The following MPP4 variants were observed in gnomAD, a reference collection of about 807,000 sequenced individuals.
MPP4 encodes MAGUK p55 subfamily member 4.
MPP4 carries 91 observed loss-of-function variants against 98.3 expected under a neutral mutation model. The observed-to-expected ratio is 0.93, with a 90% CI of 0.78 to 1.10. The LOEUF (loss-of-function observed/expected upper bound fraction) is 1.10. Among genes scored for constraint, MPP4 ranks in the 50% least tolerant of loss-of-function variants. The pLI is 0.00. For missense variants in MPP4, 744 were observed against 792.9 expected, an observed-to-expected ratio of 0.94 and a Z score of 0.74; for synonymous variants, 261 against 271.8, an observed-to-expected ratio of 0.96 and a Z score of 0.39.
At chr2:201,663,566 A>C (rs929587556) in intron 14 of MPP4, among the ~76,000 whole-genome samples, 1 of 152,196 alleles carries the variant, frequency 6.6e-6, no homozygotes, top group Non-Finnish European at 1.5e-5. Context: ...AAATTGAAAA[A>C]TTAGCCACGC....
intron 16 of MPP4, among the ~76,000 whole-genome samples, chr2:201,657,730 A>T (rs1687897285): frequency 6.6e-6 from 1 of 151,756 alleles, no homozygotes; most frequent in Non-Finnish European, 1.5e-5. Flanking sequence ...CATCTTTGTA[A>T]AGCCTGTTGG....
Position 201,669,111 on chromosome 2 carries a change from TGTGTGTGTGTGA to T in MPP4, c.1012+610_1012+621del, listed in dbSNP as rs1408462498. Among the ~76,000 whole-genome samples the T allele has an allele frequency of 5.5e-3, 501 of 90,776 alleles. 9 individuals are homozygous for T. Among genetic ancestry groups the T allele is most frequent in the Admixed American group, 0.049 (421 of 8,636 alleles). The allele number at this position is 90,776 out of a possible 152,430, so 59.6% of individuals were successfully genotyped here. A position where few individuals can be genotyped will look rare whatever the true frequency, so the allele number is the denominator to read the frequency against. On this transcript the variant is annotated intron_variant, in intron 12 of 21. Transcript: ENST00000409474. ...CTTTGTGTGTGTGTGTGTGTGTGTGTGTGTGTGTGTGAGAGAGAGAGAGAGAGAGCACCATCA... is the reference window on the plus strand; with the variant it reads ...CTTTGTGTGTGTGTGTGTGTGTGTGTGAGAGAGAGAGAGAGAGCACCATCA...
At chr2:201,681,087 G>T in intron 9 of MPP4, 53 bp from the exon 10 acceptor site, 1 of 1,559,752 alleles carries the variant, frequency 6.4e-7, no homozygotes, top group Non-Finnish European at 8.8e-7. Context: ...GGTGCCATCC[G>T]AAGAACCCTT....
intron 7 of MPP4, among the ~76,000 whole-genome samples, chr2:201,684,757 T>C (rs898146293): frequency 2.6e-5 from 4 of 151,940 alleles, no homozygotes; most frequent in East Asian, 3.9e-4. Flanking sequence ...GAGACCATCC[T>C]GGCTAACACG....
intron 10 of MPP4, among the ~76,000 whole-genome samples, chr2:201,676,145 C>T (rs1352388181): frequency 6.6e-6 from 1 of 152,236 alleles, no homozygotes; most frequent in Non-Finnish European, 1.5e-5. Context: ...CCTCCCAGAG[C>T]TCCTGCCTCC....
chr2:201,670,623 A>G (rs1490640008), intron 11 of MPP4, among the ~76,000 whole-genome samples: 1 of 152,250 alleles, frequency 6.6e-6, no homozygotes, highest in African/African-American at 2.4e-5. Flanking sequence ...CTGATTAGAA[A>G]CTGTAATTAG....
At chr2:201,693,764 G>T in intron 2 of MPP4, 112 bp downstream of exon 2, 1 of 1,299,208 alleles carries the variant, frequency 7.7e-7, no homozygotes, top group Non-Finnish European at 1.1e-6. Flanking sequence ...AAATGTACAA[G>T]ATCCTCATAG....
intron 14 of MPP4, chr2:201,661,488 T>C (rs772175647): frequency 5.3e-5 from 24 of 456,458 alleles, no homozygotes; most frequent in Non-Finnish European, 8.8e-5. Flanking sequence ...AACGTATCGA[T>C]GCTTGAGAGT....
intron 14 of MPP4, 86 bp downstream of exon 14, chr2:201,663,993 AAC>A: frequency 1.0e-6 from 1 of 971,434 alleles, no homozygotes; most frequent in Non-Finnish European, 1.5e-6. Flanking sequence ...GATATATTTA[AAC>A]AGTTATTATA....
At chr2:201,651,586 T>C (rs1268311048) in intron 18 of MPP4, 1 of 984,848 alleles carries the variant, frequency 1.0e-6, no homozygotes, top group Non-Finnish European at 1.2e-6. Context: ...TTTGAATGAT[T>C]AAAAATCTAC....
Position 201,658,535 on chromosome 2 carries a change from A to G in MPP4, c.1088-17T>C. On this transcript the variant is annotated splice_polypyrimidine_tract_variant and intron_variant, in intron 15 of 21. Coordinates refer to ENST00000409474, the MANE Select transcript of MPP4 (RefSeq NM_033066.3). ...CCTCCTTGTCTGAAACACAAAGAACAGATGGAGCAGAATATGTGAGAGCGA... is the reference window on the plus strand; with the variant it reads ...CCTCCTTGTCTGAAACACAAAGAACGGATGGAGCAGAATATGTGAGAGCGA... The G allele has an allele frequency of 6.2e-7, 1 of 1,610,272 alleles. No individual in the cohort carries two copies. The highest frequency in any genetic ancestry group is 1.7e-4 in the Middle Eastern group (1 of 6,058).
rs781579342 is a variant in MPP4 at position 201,687,410 on chromosome 2, A to T, written c.280-39T>A. On this transcript the variant is annotated intron_variant, in intron 4 of 21. Transcript: ENST00000409474. ...AAGGATACATTATAAAAATTTTAAA[A>T]AATCTTTATCACCTACTTAACCTCA... The T allele has an allele frequency of 2.0e-6, 3 of 1,501,062 alleles. No homozygotes were observed. The South Asian group carries it at 3.6e-5, about 18-fold the overall frequency. 93.0% of individuals were successfully genotyped at this position (1,501,062 alleles called of 1,614,324 possible). A position where few individuals can be genotyped will look rare whatever the true frequency, so the allele number is the denominator to read the frequency against.
intron 21 of MPP4, among the ~76,000 whole-genome samples, chr2:201,646,459 A>G (rs983623792): frequency 6.6e-6 from 1 of 152,132 alleles, no homozygotes; most frequent in Non-Finnish European, 1.5e-5. Context: ...CTTGTCACCA[A>G]TACAATCTGA....
In MPP4 at chr2:201,675,263, C is replaced by T. The variant is rs966597376; in HGVS notation, c.938G>A (p.Arg313Gln). ...PSNHLLKRKQ[R>Q]EFWWSQPYQP... ...GTACGGCTGAGACCACCAGAATTCC[C>T]GTTGCTTCCTATGGGGGGGAAAAAA... is the stretch of plus-strand genomic sequence containing the variant. The change falls in exon 11 of 22, where the codon CGG becomes CAG. Residue 313 changes from arginine (R) to glutamine (Q), a missense_variant. By Grantham distance (43) the Arg-to-Gln change is conservative. Coordinates refer to ENST00000409474, the MANE Select transcript of MPP4 (RefSeq NM_033066.3). 28 of 1,608,122 alleles carry T rather than the reference C, an allele frequency of 1.7e-5. No individual in the cohort carries two copies. The highest frequency in any genetic ancestry group is 6.7e-5 in the South Asian group (6 of 89,422).
At chr2:201,681,901 T>A (rs1055238870) in intron 8 of MPP4, among the ~76,000 whole-genome samples, 3 of 150,814 alleles carry the variant, frequency 2.0e-5, no homozygotes, top group Non-Finnish European at 4.4e-5. Context: ...AGACAGGATC[T>A]CCATCTGACT....
chr2:201,654,911 G>A lies in MPP4; in HGVS notation c.1307C>T (p.Ser436Phe), dbSNP rs1687812007. ...KYRLIVLMGP[S>F]GVGVNELRRQ... ...TCTGAGCTCATTTACTCCAACACCA[G>A]AGGGTCCTAAACACAAAAAGTCACA... Residue 436 changes from serine (S) to phenylalanine (F), a missense_variant, in exon 18 of 22, where the codon TCT (serine) becomes TTT (phenylalanine). By Grantham distance (155) the Ser-to-Phe change is radical. Coordinates refer to ENST00000409474, the MANE Select transcript of MPP4 (RefSeq NM_033066.3). 6.2e-7 allele frequency: 1 copy of A among 1,600,228 alleles called. No individual in the cohort carries two copies. The highest frequency in any genetic ancestry group is 2.2e-5 in the East Asian group (1 of 44,464).
intron 11 of MPP4, among the ~76,000 whole-genome samples, chr2:201,674,295 A>G (rs1688435896): frequency 2.0e-5 from 3 of 152,224 alleles, no homozygotes; most frequent in South Asian, 2.1e-4. Context: ...GGATGTCTTC[A>G]GGTGTCACCA....
At chr2:201,677,463 ACT>A (rs1688537156) in intron 10 of MPP4, among the ~76,000 whole-genome samples, 1 of 151,910 alleles carries the variant, frequency 6.6e-6, no homozygotes, top group African/African-American at 2.4e-5. Flanking sequence ...CTTCCTCCTC[ACT>A]CTTTCACAGT....
intron 4 of MPP4, 145 bp downstream of exon 4, chr2:201,690,057 A>G: frequency 2.0e-6 from 1 of 509,568 alleles, no homozygotes. Flanking sequence ...TCTTCCTTAT[A>G]TTAAAGTTCA....
Sources: allele counts gnomAD v4.1 joint callset (sites outside exome capture counted in the v4.1 genomes callset), GRCh38; gene constraint gnomAD v4.1.1; transcripts MANE v1.5; gene names NCBI Gene and HGNC (gene_info 2026-07-23, HGNC 2026-07-21).